Variants in DCT observed in about 807,000 individuals in gnomAD.
DCT encodes L-dopachrome tautomerase.
A neutral mutation model predicts 53.0 loss-of-function variants in DCT; 47 were observed. The observed-to-expected ratio is 0.89, with a 90% CI of 0.70 to 1.13. The LOEUF is 1.13. Among genes scored for constraint, DCT ranks in the 50% most tolerant of loss-of-function variants. The pLI, the probability that DCT is intolerant of heterozygous loss-of-function variation, is 0.00. For synonymous variants in DCT, 244 were observed against 237.0 expected (o/e 1.03, Z -0.27); for missense variants, 669 against 637.4 (o/e 1.05, Z -0.53).
In DCT at chr13:94,478,949, C is replaced by T; in HGVS notation, c.295+12G>A. 6.3e-7 allele frequency: 1 copy of T among 1,588,668 alleles called. No homozygotes were observed. Among genetic ancestry groups the T allele is most frequent in the Admixed American group, 1.7e-5 (1 of 59,082 alleles). The stretch of plus-strand genomic sequence containing the variant: ...CTGGCCCTCCCCACCAAGCTTGGAG[C>T]ATGGGCCTCACCTGTGCACTTGCAG... On this transcript the variant is annotated intron_variant, in intron 1 of 7. Coordinates refer to ENST00000377028, the MANE Select transcript of DCT (RefSeq NM_001922.5).
chr13:94,440,867 G>C (rs1452425236), intron 7 of DCT, among the ~76,000 whole-genome samples: 1 of 151,850 alleles, frequency 6.6e-6, no homozygotes, highest in Non-Finnish European at 1.5e-5. Flanking sequence ...TTTTAGTAGA[G>C]ACAGGGTTTC....
chr13:94,463,870 G>A (rs1345636557), intron 4 of DCT, among the ~76,000 whole-genome samples: 6 of 152,170 alleles, frequency 3.9e-5, no homozygotes, highest in South Asian at 2.1e-4. Flanking sequence ...CCCAGGCAGC[G>A]TTTCCCAAAG....
chr13:94,514,777 G>A, the DCT span, among the ~76,000 whole-genome samples: 1 of 152,198 alleles, frequency 6.6e-6, no homozygotes, highest in Non-Finnish European at 1.5e-5. Flanking sequence ...AAAGGAACCT[G>A]CAAATTAGAC....
the DCT span, among the ~76,000 whole-genome samples, chr13:94,489,820 CTAA>C: frequency 6.6e-6 from 1 of 151,944 alleles, no homozygotes; most frequent in Non-Finnish European, 1.5e-5. Flanking sequence ...ATAAGTACTT[CTAA>C]TAATTTTTTT....
the DCT span, among the ~76,000 whole-genome samples, chr13:94,505,355 A>G: frequency 6.6e-6 from 1 of 152,046 alleles, no homozygotes; most frequent in East Asian, 1.9e-4. Context: ...AGATAATATT[A>G]CCTCCAGATT....
the DCT span, among the ~76,000 whole-genome samples, chr13:94,485,393 A>G: frequency 1.2e-4 from 19 of 152,202 alleles, no homozygotes; most frequent in Admixed American, 7.2e-4. Context: ...CTTGTCCACA[A>G]TGGAGGCACC....
rs1407890494 is a variant in DCT at position 94,438,663 on chromosome 13, C to A, written c.*1235G>T. 2 of 455,884 alleles carry A rather than the reference C, an allele frequency of 4.4e-6. No homozygotes were observed. Among genetic ancestry groups the A allele is most frequent in the African/African-American group, 4.0e-5 (2 of 50,062 alleles). The allele number at this position is 455,884 out of a possible 1,614,324, so 28.2% of individuals were successfully genotyped here. A position where few individuals can be genotyped will look rare whatever the true frequency, so the allele number is the denominator to read the frequency against. ...GCCTGGAAATCTCAAGAGCCATTAA[C>A]TTCTCTGAAGTGGGGTCCATCATGA... On this transcript the variant is annotated 3_prime_UTR_variant, in exon 8 of 8. Coordinates refer to ENST00000377028, the MANE Select transcript of DCT (RefSeq NM_001922.5).
upstream of DCT, among the ~76,000 whole-genome samples, chr13:94,481,942 G>T (rs1353967449): frequency 6.6e-6 from 1 of 152,172 alleles, no homozygotes; most frequent in East Asian, 1.9e-4. Context: ...GAGGTGCTTT[G>T]CATGTGCTAC....
At chr13:94,516,749 C>T in the DCT span, among the ~76,000 whole-genome samples, 2 of 152,028 alleles carry the variant, frequency 1.3e-5, no homozygotes, top group African/African-American at 4.8e-5. Context: ...TGCCCTGTGC[C>T]ACCTTGGGCC....
chr13:94,443,449 G>T lies in DCT; in HGVS notation c.1368C>A (p.Ala456=). ...LTSDQLGYSY[A]IDLPVSVEET... ...TGTGTTAGTTACCTGGCAGATCGATGGCATAGCTGTAGCCAAGTTGGTCTG... is the reference window on the plus strand; with the variant it reads ...TGTGTTAGTTACCTGGCAGATCGATTGCATAGCTGTAGCCAAGTTGGTCTG... The change falls in exon 7 of 8, where the codon GCC becomes GCA. Residue 456 remains alanine, a synonymous_variant. Transcript: ENST00000377028. 6.2e-7 allele frequency: 1 copy of T among 1,613,040 alleles called. No individual in the cohort carries two copies. The highest frequency in any genetic ancestry group is 8.5e-7 in the Non-Finnish European group (1 of 1,179,038).
At chr13:94,470,075 AAAAAGAAAG>A (rs1306187888) in intron 1 of DCT, among the ~76,000 whole-genome samples, 3 of 152,134 alleles carry the variant, frequency 2.0e-5, no homozygotes, top group Non-Finnish European at 2.9e-5. Flanking sequence ...ACTCTGTCTC[AAAAAGAAAG>A]AAAAGAAAGA....
intron 7 of DCT, among the ~76,000 whole-genome samples, chr13:94,442,780 G>C (rs1882425949): frequency 6.6e-6 from 1 of 152,220 alleles, no homozygotes; most frequent in South Asian, 2.1e-4. Context: ...AGGTGGTATA[G>C]GCTAAATGGG....
the DCT span, among the ~76,000 whole-genome samples, chr13:94,491,419 C>T: frequency 2.0e-5 from 3 of 152,178 alleles, no homozygotes; most frequent in Non-Finnish European, 4.4e-5. Flanking sequence ...GCCCATCCTA[C>T]TCCAGTATGA....
At chr13:94,528,043 T>C in the DCT span, among the ~76,000 whole-genome samples, 3 of 152,110 alleles carry the variant, frequency 2.0e-5, no homozygotes, top group Admixed American at 6.5e-5. Context: ...ATCTCAGTGA[T>C]TGAATATCAA....
chr13:94,530,180 T>C, the DCT span, among the ~76,000 whole-genome samples: 4 of 152,280 alleles, frequency 2.6e-5, no homozygotes, highest in East Asian at 1.9e-4. Flanking sequence ...CAGGACCAGA[T>C]GGATACACAG....
the DCT span, among the ~76,000 whole-genome samples, chr13:94,536,919 G>T: frequency 6.6e-6 from 1 of 152,038 alleles, no homozygotes; most frequent in Non-Finnish European, 1.5e-5. Flanking sequence ...ACTCCAACCT[G>T]GGCAACAGAG....
chr13:94,524,273 G>T, the DCT span, among the ~76,000 whole-genome samples: 1 of 152,228 alleles, frequency 6.6e-6, no homozygotes, highest in Non-Finnish European at 1.5e-5. Flanking sequence ...TGGCACCTTC[G>T]GAATGGCTGA....
intron 6 of DCT, among the ~76,000 whole-genome samples, chr13:94,453,596 C>A (rs1369996021): frequency 7.0e-6 from 1 of 142,114 alleles, no homozygotes; most frequent in East Asian, 1.9e-4. Flanking sequence ...TGTGTTCCCA[C>A]CCAAATCTCA....
At chr13:94,524,064 C>A in the DCT span, among the ~76,000 whole-genome samples, 1 of 152,298 alleles carries the variant, frequency 6.6e-6, no homozygotes, top group South Asian at 2.1e-4. Context: ...AATACCTCCC[C>A]CTTTATAGCA....
Sources: allele counts gnomAD v4.1 joint callset (sites outside exome capture counted in the v4.1 genomes callset), GRCh38; gene constraint gnomAD v4.1.1; transcripts MANE v1.5; gene names NCBI Gene and HGNC (gene_info 2026-07-23, HGNC 2026-07-21).